The following CNTNAP4 variants were observed in gnomAD, a reference collection of about 807,000 sequenced individuals.
The protein encoded by CNTNAP4 is contactin associated protein family member 4.
A neutral mutation model predicts 148.4 loss-of-function variants in CNTNAP4; 98 were observed. That is an observed-to-expected ratio of 0.66 (90% confidence interval 0.56 to 0.78). The LOEUF is 0.78. CNTNAP4 is among the 30% of genes least tolerant of loss of function. CNTNAP4 has a pLI of 0.00. For synonymous variants in CNTNAP4, 730 were observed against 565.1 expected (o/e 1.29, Z -4.14); for missense variants, 1,935 against 1,565.6 (o/e 1.24, Z -3.98).
Position 76,446,670 on chromosome 16 carries a change from A to G in CNTNAP4, c.539-1342A>G, listed in dbSNP as rs77975366. Among the ~76,000 whole-genome samples the G allele has an allele frequency of 7.0e-3, 1,061 of 152,296 alleles. 8 individuals carry two copies. The highest frequency in any genetic ancestry group is 0.024 in the African/African-American group (1,002 of 41,572). On this transcript the variant is annotated intron_variant, in intron 4 of 23. Transcript: ENST00000611870. ...ATATCATTAAGTCAGGGTCTTTCCA[A>G]CAATGTCCTTGAGAAGACAGAAAAT...
chr16:76,314,455 A>G (rs1262909484), intron 1 of CNTNAP4, among the ~76,000 whole-genome samples: 1 of 152,236 alleles, frequency 6.6e-6, no homozygotes, highest in Non-Finnish European at 1.5e-5. Flanking sequence ...GTATATGTGT[A>G]TACACACATA....
rs190988799 is a variant in CNTNAP4, at chr16:76,398,133, G to A, written c.391-29319G>A. Among the ~76,000 whole-genome samples the A allele has an allele frequency of 1.2e-4, 18 of 150,738 alleles. 1 individual carries two copies. Among genetic ancestry groups the A allele is most frequent in the Admixed American group, 1.0e-3 (15 of 15,074 alleles). Reference sequence around the variant, plus strand: ...TGTTTGAGAGTAGGAAGCATCCAGCGTGGCAGAAAGAGATAGGCCAGAGAC... The same window carrying A: ...TGTTTGAGAGTAGGAAGCATCCAGCATGGCAGAAAGAGATAGGCCAGAGAC... On this transcript the variant is annotated intron_variant, in intron 3 of 23. Transcript: ENST00000611870.
At chr16:76,371,968 A>C (rs1301303476) in intron 3 of CNTNAP4, among the ~76,000 whole-genome samples, 1 of 152,026 alleles carries the variant, frequency 6.6e-6, no homozygotes, top group Non-Finnish European at 1.5e-5. Context: ...AATCATCTCT[A>C]AGTTCTTACT....
chr16:76,427,718 T>C, intron 4 of CNTNAP4, 119 bp downstream of exon 4: 1 of 958,864 alleles, frequency 1.0e-6, no homozygotes, highest in Non-Finnish European at 1.5e-6. Context: ...ATAGGAATAA[T>C]TTTTGTGGAA....
chr16:76,327,425 A>G (rs138928479), intron 2 of CNTNAP4, among the ~76,000 whole-genome samples: 1 of 152,296 alleles, frequency 6.6e-6, no homozygotes, highest in African/African-American at 2.4e-5. Flanking sequence ...TGGTGTGTAT[A>G]TACGACATTT....
At chr16:76,500,220 C>T (rs1250918010) in intron 15 of CNTNAP4, among the ~76,000 whole-genome samples, 1 of 152,002 alleles carries the variant, frequency 6.6e-6, no homozygotes, top group East Asian at 1.9e-4. Context: ...GGGCGGCTGG[C>T]CTGGCAGGGG....
intron 15 of CNTNAP4, among the ~76,000 whole-genome samples, chr16:76,519,768 A>C (rs1597038476): frequency 6.6e-6 from 1 of 152,214 alleles, no homozygotes; most frequent in Non-Finnish European, 1.5e-5. Context: ...CTCTGGGAGG[A>C]AAAACTTCAA....
chr16:76,313,420 G>T (rs1961362013), intron 1 of CNTNAP4, among the ~76,000 whole-genome samples: 3 of 152,146 alleles, frequency 2.0e-5, no homozygotes, highest in Admixed American at 2.0e-4. Context: ...GCACTCTCTT[G>T]TGTGTGTAAA....
intron 17 of CNTNAP4, among the ~76,000 whole-genome samples, chr16:76,533,256 T>C (rs62048243): frequency 0.015 from 2,325 of 152,244 alleles, 29 homozygotes; most frequent in South Asian, 0.054. Flanking sequence ...AAACACAGCA[T>C]GGTATCACTC....
intron 13 of CNTNAP4, among the ~76,000 whole-genome samples, chr16:76,494,329 A>G (rs1389488734): frequency 6.6e-6 from 1 of 152,216 alleles, no homozygotes; most frequent in Admixed American, 6.5e-5. Context: ...TAGTCTTCAA[A>G]TAAATAGCCA....
chr16:76,436,240 A>T (rs28859008), intron 4 of CNTNAP4, among the ~76,000 whole-genome samples: 97,264 of 151,864 alleles, frequency 0.64, 32,546 homozygotes, highest in African/African-American at 0.84. Flanking sequence ...GGAGGGGATG[A>T]TGCCGCTACT....
intron 12 of CNTNAP4, among the ~76,000 whole-genome samples, chr16:76,484,275 G>GAAAAGAAA (rs2081945046): frequency 1.4e-5 from 1 of 71,228 alleles, no homozygotes; most frequent in Non-Finnish European, 2.4e-5. Context: ...GGAGAGAAAT[G>GAAAAGAAA]AAAAAAAAAA....
intron 20 of CNTNAP4, among the ~76,000 whole-genome samples, chr16:76,540,228 G>A (rs973296162): frequency 6.6e-6 from 1 of 152,024 alleles, no homozygotes; most frequent in East Asian, 1.9e-4. Context: ...ATGAGTCACA[G>A]CAAAGAAAAT....
chr16:76,545,817 C>T (rs1240641721), intron 21 of CNTNAP4, among the ~76,000 whole-genome samples: 1 of 152,132 alleles, frequency 6.6e-6, no homozygotes, highest in Non-Finnish European at 1.5e-5. Context: ...GTGGATGGAT[C>T]ACGACGTCAG....
chr16:76,492,181 T>C (rs765946121), intron 13 of CNTNAP4, among the ~76,000 whole-genome samples: 1 of 152,160 alleles, frequency 6.6e-6, no homozygotes, highest in African/African-American at 2.4e-5. Flanking sequence ...GGAGACATGG[T>C]ATACAGAATG....
intron 8 of CNTNAP4, among the ~76,000 whole-genome samples, chr16:76,460,246 C>A (rs1369253164): frequency 6.6e-6 from 1 of 151,574 alleles, no homozygotes; most frequent in Non-Finnish European, 1.5e-5. Flanking sequence ...TAGCTGGGAT[C>A]ACAGGCATGT....
chr16:76,344,450 G>A (rs905901625), intron 2 of CNTNAP4, among the ~76,000 whole-genome samples: 1 of 152,186 alleles, frequency 6.6e-6, no homozygotes, highest in Non-Finnish European at 1.5e-5. Context: ...TGTATTAGCA[G>A]ATTTGGGGAT....
chr16:76,418,478 T>C (rs1398429366), intron 3 of CNTNAP4, among the ~76,000 whole-genome samples: 12 of 151,482 alleles, frequency 7.9e-5, no homozygotes, highest in Admixed American at 7.9e-4. Flanking sequence ...ATTGAATCTG[T>C]TGTTGGGCCC....
intron 3 of CNTNAP4, among the ~76,000 whole-genome samples, chr16:76,417,356 G>C (rs1311822428): frequency 1.3e-5 from 2 of 150,748 alleles, no homozygotes; most frequent in African/African-American, 4.9e-5. Context: ...CTCTTTTACT[G>C]TATCAGTCAT....
Sources: gnomAD v4.1 joint callset for allele counts (sites outside exome capture counted in the v4.1 genomes callset) on GRCh38, gnomAD v4.1.1 for gene constraint, MANE v1.5 for transcripts, NCBI Gene and HGNC (gene_info 2026-07-23, HGNC 2026-07-21) for gene names.